The following TAFA1 variants were observed in gnomAD, a reference collection of about 807,000 sequenced individuals.
TAFA1 encodes the protein TAFA chemokine like family member 1.
Under a neutral mutation model 18.5 loss-of-function variants are expected in TAFA1, and 4 were observed. That is an observed-to-expected ratio of 0.22 (90% CI 0.11 to 0.49). TAFA1 has a LOEUF of 0.49. Among genes scored for constraint, TAFA1 ranks in the 20% least tolerant of loss-of-function variants. TAFA1 has a pLI of 0.98. For synonymous variants in TAFA1, 56 were observed against 55.2 expected (o/e 1.01, Z -0.06); for missense variants, 147 against 169.0 (o/e 0.87, Z 0.72).
intron 2 of TAFA1, among the ~76,000 whole-genome samples, chr3:68,205,487 T>C (rs1231605959): frequency 6.6e-6 from 1 of 151,870 alleles, no homozygotes; most frequent in Non-Finnish European, 1.5e-5. Context: ...GGTCCCACTT[T>C]CCACATTGGT....
chr3:68,401,013 C>T (rs2070477293), intron 2 of TAFA1, among the ~76,000 whole-genome samples: 1 of 152,296 alleles, frequency 6.6e-6, no homozygotes, highest in Non-Finnish European at 1.5e-5. Flanking sequence ...ACAGCAATTT[C>T]CACAGCCAGG....
intron 2 of TAFA1, among the ~76,000 whole-genome samples, chr3:68,153,967 A>G (rs2065836288): frequency 6.6e-6 from 1 of 152,154 alleles, no homozygotes. Flanking sequence ...TCCTTTAGGG[A>G]TGATGAAAAA....
At chr3:68,040,487 T>C (rs535542935) in intron 2 of TAFA1, among the ~76,000 whole-genome samples, 126 of 152,336 alleles carry the variant, frequency 8.3e-4, no homozygotes, top group African/African-American at 3.0e-3. Context: ...GTAAACTCTG[T>C]GTCCAAGAAA....
At chr3:68,361,946 T>G (rs2069475536) in intron 2 of TAFA1, among the ~76,000 whole-genome samples, 1 of 152,092 alleles carries the variant, frequency 6.6e-6, no homozygotes, top group Non-Finnish European at 1.5e-5. Context: ...TTTACTAACA[T>G]GGTGTCACTC....
At chr3:68,485,705 C>A (rs1390315874) in intron 3 of TAFA1, among the ~76,000 whole-genome samples, 1 of 152,186 alleles carries the variant, frequency 6.6e-6, no homozygotes, top group African/African-American at 2.4e-5. Flanking sequence ...ATGATTCAGA[C>A]CCTCTCACTG....
chr3:68,071,724 A>C (rs2106749957), intron 2 of TAFA1, among the ~76,000 whole-genome samples: 1 of 152,296 alleles, frequency 6.6e-6, no homozygotes, highest in Non-Finnish European at 1.5e-5. Context: ...TAATTGGCTC[A>C]TGGTTCTGCA....
At chr3:68,319,525 A>G (rs1343562695) in intron 2 of TAFA1, among the ~76,000 whole-genome samples, 4 of 152,206 alleles carry the variant, frequency 2.6e-5, no homozygotes, top group African/African-American at 9.6e-5. Flanking sequence ...CAAAATATCA[A>G]TACTGCAAAG....
intron 2 of TAFA1, among the ~76,000 whole-genome samples, chr3:68,039,120 G>T (rs946373334): frequency 6.6e-6 from 1 of 152,112 alleles, no homozygotes; most frequent in African/African-American, 2.4e-5. Flanking sequence ...AGCACTAGTT[G>T]ATTGATGGCT....
chr3:68,526,832 G>C (rs899985388), intron 3 of TAFA1, among the ~76,000 whole-genome samples: 1 of 151,936 alleles, frequency 6.6e-6, no homozygotes, highest in African/African-American at 2.4e-5. Context: ...TTAAATGTTA[G>C]AAAAGAATAT....
At chr3:68,350,621 C>T (rs1482622010) in intron 2 of TAFA1, among the ~76,000 whole-genome samples, 2 of 152,084 alleles carry the variant, frequency 1.3e-5, no homozygotes, top group East Asian at 1.9e-4. Flanking sequence ...ATTGTACTTC[C>T]TGTTTGTTTA....
intron 2 of TAFA1, among the ~76,000 whole-genome samples, chr3:68,345,920 G>C (rs189024118): frequency 5.4e-4 from 82 of 152,254 alleles, no homozygotes; most frequent in African/African-American, 1.9e-3. Flanking sequence ...ATTGGCCGGA[G>C]AGAGAAGCTT....
At chr3:68,145,153 G>T (rs2065722796) in intron 2 of TAFA1, 1 of 846,794 alleles carries the variant, frequency 1.2e-6, no homozygotes, top group Non-Finnish European at 2.1e-6. Context: ...GTAATGACAT[G>T]AATAATGCAA....
chr3:68,352,530 C>A (rs2069287787), intron 2 of TAFA1, among the ~76,000 whole-genome samples: 2 of 151,962 alleles, frequency 1.3e-5, no homozygotes, highest in South Asian at 2.1e-4. Context: ...TCTGAGCTGA[C>A]AAGAGTTTTC....
intron 3 of TAFA1, among the ~76,000 whole-genome samples, chr3:68,436,622 G>A (rs1423428998): frequency 1.3e-5 from 2 of 152,096 alleles, no homozygotes; most frequent in Non-Finnish European, 2.9e-5. Context: ...TCCCCAAGCA[G>A]GTAAGACCAG....
chr3:68,001,579 G>A (rs1420090435), upstream of TAFA1, among the ~76,000 whole-genome samples: 1 of 135,764 alleles, frequency 7.4e-6, no homozygotes, highest in East Asian at 2.1e-4. Flanking sequence ...TGTTGTTGTT[G>A]TTTTTTTTTT....
At chr3:68,388,429 T>G (rs2070152485) in intron 2 of TAFA1, among the ~76,000 whole-genome samples, 1 of 152,210 alleles carries the variant, frequency 6.6e-6, no homozygotes. Context: ...CCTTTCTATT[T>G]TTTTAAACAT....
intron 2 of TAFA1, among the ~76,000 whole-genome samples, chr3:68,109,933 T>C (rs1472814388): frequency 6.6e-6 from 1 of 152,182 alleles, no homozygotes; most frequent in African/African-American, 2.4e-5. Context: ...ATATGATTCA[T>C]GTGATTATGT....
intron 2 of TAFA1, among the ~76,000 whole-genome samples, chr3:68,389,960 A>G (rs2070193112): frequency 6.6e-6 from 1 of 152,178 alleles, no homozygotes; most frequent in Admixed American, 6.5e-5. Context: ...AGCTAGCTGC[A>G]GGACTTTTTC....
intron 2 of TAFA1, among the ~76,000 whole-genome samples, chr3:68,019,779 A>G (rs1198803646): frequency 3.9e-5 from 6 of 152,144 alleles, no homozygotes; most frequent in Non-Finnish European, 4.4e-5. Flanking sequence ...AACAACAACA[A>G]CAACAACGAA....
Sources: gnomAD v4.1 joint callset for allele counts (sites outside exome capture counted in the v4.1 genomes callset) on GRCh38, gnomAD v4.1.1 for gene constraint, MANE v1.5 for transcripts, NCBI Gene and HGNC (gene_info 2026-07-23, HGNC 2026-07-21) for gene names.